PTP4A3: variants seen among roughly 807,000 people sequenced by gnomAD.
The protein encoded by PTP4A3 is protein tyrosine phosphatase type IVA 3.
In PTP4A3, 9 loss-of-function variants were observed where a neutral mutation model predicts 15.2. The ratio of observed to expected loss-of-function variants is 0.59; its 90% confidence interval spans 0.36 to 1.03. The LOEUF is 1.03. Among genes scored for constraint, PTP4A3 ranks in the 50% least tolerant of loss-of-function variants. The pLI is 0.02. For missense variants in PTP4A3, 234 were observed against 252.1 expected (o/e 0.93, Z 0.49); for synonymous variants, 95 against 102.0 (o/e 0.93, Z 0.41).
intron 1 of PTP4A3, among the ~76,000 whole-genome samples, chr8:141,402,808 G>A (rs1376669681): frequency 6.6e-6 from 1 of 151,582 alleles, no homozygotes; most frequent in Non-Finnish European, 1.5e-5. Flanking sequence ...CCCTCCCTGA[G>A]AGTGTCTTGG....
intron 5 of PTP4A3, among the ~76,000 whole-genome samples, chr8:141,428,240 T>G (rs1211452033): frequency 6.6e-6 from 1 of 152,068 alleles, no homozygotes; most frequent in African/African-American, 2.4e-5. Flanking sequence ...AGGACTACTC[T>G]GAGTCTAGCT....
intron 1 of PTP4A3, among the ~76,000 whole-genome samples, chr8:141,417,536 A>G (rs1318081102): frequency 6.6e-6 from 1 of 152,030 alleles, no homozygotes; most frequent in African/African-American, 2.4e-5. Context: ...CCTCCCCACC[A>G]GGAGCGCGGC....
chr8:141,424,730 T>G (rs1485070798), intron 2 of PTP4A3, among the ~76,000 whole-genome samples: 3 of 152,022 alleles, frequency 2.0e-5, no homozygotes, highest in African/African-American at 7.3e-5. Flanking sequence ...CCAAGGGACC[T>G]AGGACAGGCT....
chr8:141,420,413 C>T (rs943485870), intron 1 of PTP4A3, among the ~76,000 whole-genome samples: 1 of 152,176 alleles, frequency 6.6e-6, no homozygotes, highest in Non-Finnish European at 1.5e-5. Context: ...CCCAGCCCTT[C>T]CGTAGAGAGG....
chr8:141,423,956 G>A (rs1328003934), intron 2 of PTP4A3, among the ~76,000 whole-genome samples: 1 of 146,834 alleles, frequency 6.8e-6, no homozygotes, highest in African/African-American at 2.5e-5. Context: ...GCTCAGAGGT[G>A]TGTGACTATC....
intron 2 of PTP4A3, among the ~76,000 whole-genome samples, 163 bp from the exon 3 acceptor site, chr8:141,424,885 T>C (rs1381397242): frequency 6.6e-6 from 1 of 151,918 alleles, no homozygotes; most frequent in Non-Finnish European, 1.5e-5. Flanking sequence ...CCCAGGGGAC[T>C]GAGGGGACAG....
chr8:141,413,578 G>C (rs1832926260), intron 1 of PTP4A3, among the ~76,000 whole-genome samples: 1 of 152,256 alleles, frequency 6.6e-6, no homozygotes, highest in Admixed American at 6.5e-5. Context: ...GCTCTGGGGT[G>C]GGAGGCTGGG....
At chr8:141,414,621 T>TC (rs1387142684) in intron 1 of PTP4A3, among the ~76,000 whole-genome samples, 2 of 120,330 alleles carry the variant, frequency 1.7e-5, no homozygotes, top group African/African-American at 6.6e-5. Context: ...AGCCCTGGAC[T>TC]GGGGGGGGGG....
chr8:141,406,979 A>T lies in PTP4A3; in HGVS notation c.-853-14409A>T, dbSNP rs1297954726. Reference sequence around the variant, plus strand: ...CTCTGATGCCACCTTCACCTTCTGGATTCTCTCCAGGGGAGGAGGTCAGGC... The same window carrying T: ...CTCTGATGCCACCTTCACCTTCTGGTTTCTCTCCAGGGGAGGAGGTCAGGC... On this transcript the variant is annotated intron_variant, in intron 1 of 5. Coordinates refer to ENST00000521578, the MANE Select transcript of PTP4A3 (RefSeq NM_032611.3). This position sits in a 1 kb window ranked among gnomAD's most constrained non-coding sequence, Gnocchi z 4.5. Among the ~76,000 whole-genome samples the T allele has an allele frequency of 6.6e-6, 1 of 152,136 alleles. No individual in the cohort carries two copies. The highest frequency in any genetic ancestry group is 1.5e-5 in the Non-Finnish European group (1 of 68,012).
At chr8:141,421,216 C>T (rs952064096) in intron 1 of PTP4A3, among the ~76,000 whole-genome samples, 172 bp from the exon 2 acceptor site, 78 of 152,334 alleles carry the variant, frequency 5.1e-4, no homozygotes, top group African/African-American at 1.8e-3. Flanking sequence ...CTTCCTTGTG[C>T]TCCCATATAA....
intron 5 of PTP4A3, among the ~76,000 whole-genome samples, chr8:141,428,337 C>A (rs1456643537): frequency 6.6e-6 from 1 of 151,962 alleles, no homozygotes; most frequent in Non-Finnish European, 1.5e-5. Context: ...CTCGCCTGCC[C>A]CATCCCTGTC....
intron 5 of PTP4A3, among the ~76,000 whole-genome samples, chr8:141,428,788 C>T (rs941003823): frequency 2.0e-5 from 3 of 147,918 alleles, no homozygotes; most frequent in Non-Finnish European, 4.5e-5. Flanking sequence ...CCACACAGAC[C>T]CAGGCATACG....
chr8:141,418,106 G>T (rs1833137361), intron 1 of PTP4A3, among the ~76,000 whole-genome samples: 1 of 151,998 alleles, frequency 6.6e-6, no homozygotes. Context: ...CCGGAGGGCT[G>T]GGCGGGAGCC....
chr8:141,401,999 G>A lies in PTP4A3; in HGVS notation c.-854+9915G>A, dbSNP rs1286696076. On this transcript the variant is annotated intron_variant, in intron 1 of 5. Coordinates refer to ENST00000521578, the MANE Select transcript of PTP4A3 (RefSeq NM_032611.3). The stretch of plus-strand genomic sequence containing the variant: ...TGCCAGGGCCATTCCTCCAGCTCCC[G>A]GGATCCCACACCTCCCCTGATATCA... 3.9e-5 allele frequency among the ~76,000 whole-genome samples: 6 copies of A among 152,154 alleles called. 1 individual carries two copies. In the South Asian group the frequency reaches 6.2e-4, roughly 16 times the overall value.
chr8:141,414,637 A>C, intron 1 of PTP4A3, among the ~76,000 whole-genome samples: 1 of 143,030 alleles, frequency 7.0e-6, no homozygotes, highest in African/African-American at 2.8e-5. Flanking sequence ...GGGGGTAGGG[A>C]CTGTTGGGCA....
chr8:141,407,214 T>C (rs1832753050), intron 1 of PTP4A3, among the ~76,000 whole-genome samples: 1 of 152,194 alleles, frequency 6.6e-6, no homozygotes, highest in Non-Finnish European at 1.5e-5. Context: ...CTCTCAGGCC[T>C]CCCCACCTCC....
In PTP4A3 at chr8:141,421,947, G is replaced by T. The variant is rs139580964; in HGVS notation, c.-294G>T. 1.7e-5 allele frequency: 7 copies of T among 402,412 alleles called. No homozygotes were observed. In the East Asian group the frequency reaches 2.7e-4, roughly 16 times the overall value. The allele number at this position is 402,412 out of a possible 1,614,324, so 24.9% of individuals were successfully genotyped here. ...GAGAGACGGGAGTTTGGAGTTGCCC[G>T]CTTTACTTTGGTTGGGTTGGGGGGG... On this transcript the variant is annotated 5_prime_UTR_variant, in exon 2 of 6. Transcript: ENST00000521578.
At chr8:141,430,522 C>G (rs761157436) in intron 5 of PTP4A3, among the ~76,000 whole-genome samples, 1 of 152,188 alleles carries the variant, frequency 6.6e-6, no homozygotes, top group Non-Finnish European at 1.5e-5. Flanking sequence ...AAGGGAAGGT[C>G]GCGCAGCTGG....
At position 141,431,144 on chromosome 8, in the gene PTP4A3, C is replaced by T. The variant is rs1199682463; in HGVS notation, c.*100C>T. On this transcript the variant is annotated 3_prime_UTR_variant, in exon 6 of 6. Transcript: ENST00000521578. The stretch of plus-strand genomic sequence containing the variant: ...GCTCTGCCCAGCCCAGCAGGGGCTC[C>T]AGGCCTTGGCTGGCCCCACATCGCC... The T allele has an allele frequency of 8.7e-6, 10 of 1,153,116 alleles. No individual in the cohort carries two copies. The highest frequency in any genetic ancestry group is 1.6e-5 in the African/African-American group (1 of 63,986). The allele number at this position is 1,153,116 out of a possible 1,614,324, so 71.4% of individuals were successfully genotyped here.
Sources: allele counts gnomAD v4.1 joint callset (sites outside exome capture counted in the v4.1 genomes callset), GRCh38; gene constraint gnomAD v4.1.1; non-coding constraint Gnocchi (gnomAD v3.1); transcripts MANE v1.5; gene names NCBI Gene and HGNC (gene_info 2026-07-23, HGNC 2026-07-21).